AP3B2: variants seen among roughly 807,000 people sequenced by gnomAD.
AP3B2 encodes the protein AP-3 complex subunit beta-2.
In AP3B2, 50 loss-of-function variants were observed where a neutral mutation model predicts 126.9. The ratio of observed to expected loss-of-function variants is 0.39; its 90% confidence interval spans 0.31 to 0.50. The LOEUF (loss-of-function observed/expected upper bound fraction) is 0.50, where lower values mean the gene tolerates loss of function less well. Ranked by LOEUF, AP3B2 falls within the 20% of genes least tolerant of loss-of-function variation. The pLI is 0.79. For missense variants in AP3B2, 1,177 were observed against 1,426.4 expected, an observed-to-expected ratio of 0.83 and a Z score of 2.82; for synonymous variants, 541 against 565.0, an observed-to-expected ratio of 0.96 and a Z score of 0.60.
intron 1 of AP3B2, 99 bp downstream of exon 1, chr15:82,709,495 G>T: frequency 2.5e-6 from 2 of 801,278 alleles, no homozygotes; most frequent in Non-Finnish European, 3.1e-6. Context: ...CGGCCGGGGC[G>T]GGGCCGGCGC....
At chr15:82,682,218 A>AT (rs2048352086) in intron 4 of AP3B2, among the ~76,000 whole-genome samples, 1 of 151,508 alleles carries the variant, frequency 6.6e-6, no homozygotes, top group African/African-American at 2.4e-5. Context: ...CACCCAGCTA[A>AT]TTTTTTGTAT....
At position 82,681,228 on chromosome 15, in the gene AP3B2, C is replaced by T; in HGVS notation, c.522-50G>A. ...ATTTGCCACTCTCAGCCCCAGCCTT[C>T]CCAATATCTGTCCAAGCCATGCTCA... On this transcript the variant is annotated intron_variant, in intron 5 of 26. Coordinates refer to ENST00000535359, the MANE Select transcript of AP3B2 (RefSeq NM_001278512.2). The surrounding 1 kb of genome is among the most constrained non-coding windows in gnomAD (Gnocchi z 4.0). The T allele has an allele frequency of 6.3e-7, 1 of 1,577,120 alleles. No individual in the cohort carries two copies. Among genetic ancestry groups the T allele is most frequent in the East Asian group, 2.3e-5 (1 of 43,062 alleles).
chr15:82,683,047 G>GTGTTTTTT (rs2048368298), intron 4 of AP3B2, among the ~76,000 whole-genome samples: 1 of 77,716 alleles, frequency 1.3e-5, no homozygotes, highest in Non-Finnish European at 2.5e-5. Flanking sequence ...TGCACCAGGA[G>GTGTTTTTT]TTTTTTTTTT....
intron 14 of AP3B2, among the ~76,000 whole-genome samples, chr15:82,676,230 T>G (rs1044840953): frequency 2.0e-5 from 3 of 152,170 alleles, no homozygotes; most frequent in Non-Finnish European, 4.4e-5. Context: ...ACTAGCAGAC[T>G]GGAGGTCACA....
intron 4 of AP3B2, among the ~76,000 whole-genome samples, chr15:82,684,034 AGAG>A (rs575288632): frequency 6.6e-6 from 1 of 152,242 alleles, no homozygotes; most frequent in South Asian, 2.1e-4. Context: ...GAGCACAGGC[AGAG>A]GAGATCTGCC....
At chr15:82,701,484 G>A (rs1350515107) in intron 1 of AP3B2, among the ~76,000 whole-genome samples, 1 of 152,092 alleles carries the variant, frequency 6.6e-6, no homozygotes, top group South Asian at 2.1e-4. Flanking sequence ...TCCTCCAGCA[G>A]CTTTCTCTTT....
rs548479362 is a variant in AP3B2, at chr15:82,678,089, G to C, written c.1245+16C>G. On this transcript the variant is annotated intron_variant, in intron 11 of 26. Coordinates refer to ENST00000535359, the MANE Select transcript of AP3B2 (RefSeq NM_001278512.2). The stretch of plus-strand genomic sequence containing the variant: ...GCCCCTCTCCCAGGCCCTTCTGGCT[G>C]GGAGCTGGCCTGTACCTGGAATTCC... 4.3e-6 allele frequency: 7 copies of C among 1,613,288 alleles called. No homozygotes were observed. In the African/African-American group the frequency reaches 9.3e-5, roughly 21 times the overall value.
Position 82,709,619 on chromosome 15 carries a change from C to A in AP3B2, c.88G>T (p.Gly30Cys). Reference protein sequence around the residue: ...PEYGHDPASGGIFSSDYKRHD... With the variant: ...PEYGHDPASGCIFSSDYKRHD... ...CGCTTGTAGTCGGAGGAGAAGATGCCGCCGCTCGCGGGGTCGTGGCCGTAC... is the reference window on the plus strand; with the variant it reads ...CGCTTGTAGTCGGAGGAGAAGATGCAGCCGCTCGCGGGGTCGTGGCCGTAC... Residue 30 changes from glycine to cysteine, a missense_variant, in exon 1 of 27, where the codon GGC (glycine) becomes TGC (cysteine). Transcript: ENST00000535359. 6.6e-7 allele frequency: 1 copy of A among 1,514,164 alleles called. No homozygotes were observed. The allele number at this position is 1,514,164 out of a possible 1,614,324, so 93.8% of individuals were successfully genotyped here. A position where few individuals can be genotyped will look rare whatever the true frequency, so the allele number is the denominator to read the frequency against.
intron 4 of AP3B2, among the ~76,000 whole-genome samples, chr15:82,683,546 A>G (rs575981415): frequency 6.6e-5 from 10 of 152,256 alleles, no homozygotes; most frequent in African/African-American, 2.4e-4. Flanking sequence ...GAACCCCTCA[A>G]AGTCATCCAT....
At position 82,665,188 on chromosome 15, in the gene AP3B2, G is replaced by A; in HGVS notation, c.2028+59C>T. On this transcript the variant is annotated intron_variant, in intron 17 of 26. Coordinates refer to ENST00000535359, the MANE Select transcript of AP3B2 (RefSeq NM_001278512.2). This position sits in a 1 kb window ranked among gnomAD's most constrained non-coding sequence, Gnocchi z 4.4. Reference sequence around the variant, plus strand: ...AAGGCCCAGGAGCACAACACACAGGGGAAGAAGAGGGACACAGACAGGGCA... The same window carrying A: ...AAGGCCCAGGAGCACAACACACAGGAGAAGAAGAGGGACACAGACAGGGCA... 1.0e-5 allele frequency: 15 copies of A among 1,505,712 alleles called. No individual in the cohort carries two copies. Among genetic ancestry groups the A allele is most frequent in the Non-Finnish European group, 1.3e-5 (14 of 1,119,430 alleles). The allele number at this position is 1,505,712 out of a possible 1,614,324, so 93.3% of individuals were successfully genotyped here. A position where few individuals can be genotyped will look rare whatever the true frequency, so the allele number is the denominator to read the frequency against.
At position 82,680,332 on chromosome 15, in the gene AP3B2, TGCGGAGG is replaced by T; in HGVS notation, c.1056-110_1056-104del. ...CAAGTCGTTGCGGGGAGAGGACCAG[TGCGGAGG>T]GCAGGACTACGGTCAGTGTGGAGCG... On this transcript the variant is annotated intron_variant, in intron 8 of 26. Coordinates refer to ENST00000535359, the MANE Select transcript of AP3B2 (RefSeq NM_001278512.2). The surrounding 1 kb of genome is among the most constrained non-coding windows in gnomAD (Gnocchi z 6.1). 6.4e-7 allele frequency: 1 copy of T among 1,555,240 alleles called. No individual in the cohort carries two copies. The highest frequency in any genetic ancestry group is 1.1e-5 in the South Asian group (1 of 87,418).
At chr15:82,707,577 T>A (rs2048816492) in intron 1 of AP3B2, among the ~76,000 whole-genome samples, 1 of 152,240 alleles carries the variant, frequency 6.6e-6, no homozygotes, top group Admixed American at 6.5e-5. Flanking sequence ...TATCTCCTGG[T>A]GCTATCCCCA....
At chr15:82,667,110 C>T (rs2048072045) in intron 14 of AP3B2, among the ~76,000 whole-genome samples, 177 bp from the exon 15 acceptor site, 1 of 152,190 alleles carries the variant, frequency 6.6e-6, no homozygotes, top group Non-Finnish European at 1.5e-5. Flanking sequence ...AGAATTTTCT[C>T]TCATCTCTCT....
chr15:82,689,264 G>A (rs1277141367), intron 2 of AP3B2, 32 bp from the exon 3 acceptor site: 1 of 1,613,352 alleles, frequency 6.2e-7, no homozygotes, highest in South Asian at 1.1e-5. Context: ...GGGGAAGAGG[G>A]ACAAAGCGAG....
At position 82,666,909 on chromosome 15, in the gene AP3B2, G is replaced by C; in HGVS notation, c.1690C>G (p.Leu564Val). The change falls in exon 15 of 27, where the codon CTG (leucine) becomes GTG (valine). Residue 564 changes from leucine (L) to valine (V), a missense_variant. Coordinates refer to ENST00000535359, the MANE Select transcript of AP3B2 (RefSeq NM_001278512.2). ...TTCTGGTCATATTTGGCCAGACTCA[G>C]CACATACTGGGTCAGCAGCTTGGTC... ...KQTKLLTQYVLSLAKYDQNYD... is the reference protein window; with the variant it reads ...KQTKLLTQYVVSLAKYDQNYD... 3 of 1,612,954 alleles carry C rather than the reference G, an allele frequency of 1.9e-6. No homozygotes were observed. The highest frequency in any genetic ancestry group is 2.5e-6 in the Non-Finnish European group (3 of 1,179,056).
chr15:82,665,316 G>C lies in AP3B2; in HGVS notation c.1972-13C>G, dbSNP rs1335364162. 9 of 1,576,646 alleles carry C rather than the reference G, an allele frequency of 5.7e-6. No homozygotes were observed. Among genetic ancestry groups the C allele is most frequent in the Admixed American group, 5.4e-5 (3 of 55,272 alleles). On this transcript the variant is annotated splice_polypyrimidine_tract_variant and intron_variant, in intron 16 of 26. Coordinates refer to ENST00000535359, the MANE Select transcript of AP3B2 (RefSeq NM_001278512.2). This position sits in a 1 kb window ranked among gnomAD's most constrained non-coding sequence, Gnocchi z 4.4. ...AGAGATCTTCTTCCTGTGTGTGTGG[G>C]GGAGGGTGTTAGGAGGGCTGGGCCG...
intron 14 of AP3B2, among the ~76,000 whole-genome samples, chr15:82,671,120 TAA>T (rs1169349453): frequency 1.3e-5 from 2 of 151,818 alleles, no homozygotes; most frequent in Non-Finnish European, 2.9e-5. Flanking sequence ...CCATCTTTAC[TAA>T]AAGTACAGAA....
intron 25 of AP3B2, 75 bp downstream of exon 25, chr15:82,661,750 C>A: frequency 7.9e-7 from 1 of 1,264,640 alleles, no homozygotes; most frequent in South Asian, 1.3e-5. Flanking sequence ...CCACCATTCT[C>A]CCTACCATCC....
chr15:82,666,657 G>A, intron 15 of AP3B2, 90 bp downstream of exon 15: 2 of 1,423,766 alleles, frequency 1.4e-6, no homozygotes, highest in Non-Finnish European at 9.5e-7. Flanking sequence ...CCTGGTGCCT[G>A]GCTAGGGGCC....
Sources: allele counts gnomAD v4.1 joint callset (sites outside exome capture counted in the v4.1 genomes callset), GRCh38; gene constraint gnomAD v4.1.1; non-coding constraint Gnocchi (gnomAD v3.1); transcripts MANE v1.5; gene names NCBI Gene and HGNC (gene_info 2026-07-23, HGNC 2026-07-21).